The following BNIP3 variants were observed in gnomAD, a reference collection of about 807,000 sequenced individuals.
BNIP3 encodes BCL2/adenovirus E1B 19 kDa protein-interacting protein 3.
A neutral mutation model predicts 23.9 loss-of-function variants in BNIP3; 16 were observed. The observed-to-expected ratio is 0.67, with a 90% CI of 0.45 to 1.01. The LOEUF (loss-of-function observed/expected upper bound fraction) is 1.01. Among genes scored for constraint, BNIP3 ranks in the 50% least tolerant of loss-of-function variants. The probability of loss-of-function intolerance (pLI) is 0.00; values close to 1 mark genes in which losing one functional copy is unlikely to be tolerated. For missense variants in BNIP3, 198 were observed against 248.7 expected (o/e 0.80, Z 1.37); for synonymous variants, 81 against 89.3 (o/e 0.91, Z 0.53).
intron 1 of BNIP3, among the ~76,000 whole-genome samples, chr10:131,974,787 G>T: frequency 6.6e-6 from 1 of 152,144 alleles, no homozygotes; most frequent in East Asian, 1.9e-4. Context: ...TTTTTGAACT[G>T]GTTCTTCGAA....
intron 1 of BNIP3, among the ~76,000 whole-genome samples, chr10:131,974,738 GA>G (rs1389497919): frequency 6.6e-6 from 1 of 152,208 alleles, no homozygotes; most frequent in African/African-American, 2.4e-5. Context: ...CGAGGTTGAA[GA>G]CGGTTTTACA....
At chr10:131,973,762 G>GT in intron 2 of BNIP3, 31 bp downstream of exon 2, 1 of 1,609,996 alleles carries the variant, frequency 6.2e-7, no homozygotes, top group Non-Finnish European at 8.5e-7. Context: ...CATCGGCACT[G>GT]TAACACATAC....
In BNIP3 at chr10:131,971,679, TACTC is replaced by T. The variant is rs2037035184; in HGVS notation, c.283-713_283-710del. 4 of 152,010 alleles carry T rather than the reference TACTC, an allele frequency of 2.6e-5. No individual in the cohort carries two copies. The South Asian group carries it at 6.2e-4, about 24-fold the overall frequency. The allele number at this position is 152,010 out of a possible 1,614,324, so 9.4% of individuals were successfully genotyped here. On this transcript the variant is annotated intron_variant, in intron 3 of 5. Coordinates refer to ENST00000368636, the MANE Select transcript of BNIP3 (RefSeq NM_004052.4). ...AAAAAAAAAGAAATAAAATTGAAAA[TACTC>T]AAGAATATAGCTCCCCAAACCCACC...
At chr10:131,979,736 A>G (rs2037104651) in intron 1 of BNIP3, among the ~76,000 whole-genome samples, 2 of 152,264 alleles carry the variant, frequency 1.3e-5, no homozygotes, top group African/African-American at 4.8e-5. Context: ...AGAATGATCA[A>G]GAGATAGAAA....
Position 131,973,815 on chromosome 10 carries a change from A to G in BNIP3, c.175T>C (p.Ser59Pro). 6.2e-7 allele frequency: 1 copy of G among 1,612,396 alleles called. No homozygotes were observed. Among genetic ancestry groups the G allele is most frequent in the Non-Finnish European group, 8.5e-7 (1 of 1,180,014 alleles). ...TACCTGTCACAGTGAGAGCTCTTGG[A>G]GCTACTCCGTCCAGACTCATGCTGT... is the stretch of plus-strand genomic sequence containing the variant. ...DAQHESGRSS[S>P]KSSHCDSPPR... Residue 59 changes from serine (S) to proline (P), a missense_variant, in exon 2 of 6, where the codon TCC becomes CCC. By Grantham distance (74) the Ser-to-Pro change is moderately conservative. Coordinates refer to ENST00000368636, the MANE Select transcript of BNIP3 (RefSeq NM_004052.4).
intron 2 of BNIP3, 195 bp from the exon 3 acceptor site, chr10:131,973,313 T>C (rs2037055435): frequency 1.8e-6 from 1 of 567,632 alleles, no homozygotes; most frequent in Non-Finnish European, 3.1e-6. Context: ...ACGACAGGAG[T>C]GAGCTAGCCA....
chr10:131,979,458 T>C (rs1380239950), intron 1 of BNIP3, among the ~76,000 whole-genome samples: 1 of 152,126 alleles, frequency 6.6e-6, no homozygotes, highest in Non-Finnish European at 1.5e-5. Flanking sequence ...TAAATGGGCA[T>C]GCACTTTACT....
intron 1 of BNIP3, among the ~76,000 whole-genome samples, chr10:131,978,014 T>C (rs542898823): frequency 1.3e-5 from 2 of 152,166 alleles, no homozygotes; most frequent in African/African-American, 2.4e-5. Context: ...TACAGTAAGG[T>C]TGCTTAATAA....
rs1054905306 is a variant in BNIP3 at position 131,981,786 on chromosome 10, G to T, written c.21C>A (p.Pro7=). 1.3e-6 allele frequency: 2 copies of T among 1,482,824 alleles called. No homozygotes were observed. Among genetic ancestry groups the T allele is most frequent in the African/African-American group, 2.9e-5 (2 of 68,920 alleles). 91.9% of individuals were successfully genotyped at this position (1,482,824 alleles called of 1,614,324 possible). A position where few individuals can be genotyped will look rare whatever the true frequency, so the allele number is the denominator to read the frequency against. MSQNGA[P]GMQEESLQGS... ...CCTGCAGGCTCTCCTCCTGCATCCC[G>T]GGCGCTCCGTTCTGCGACATGGCGC... The change falls in exon 1 of 6, where the codon CCC becomes CCA. Residue 7 remains proline (P), a synonymous_variant. Transcript: ENST00000368636.
In BNIP3 at chr10:131,970,341, C is replaced by T. The variant is rs2037016991; in HGVS notation, c.539+297G>A. On this transcript the variant is annotated intron_variant, in intron 5 of 5. Transcript: ENST00000368636. The surrounding 1 kb of genome is among the most constrained non-coding windows in gnomAD (Gnocchi z 4.1). ...AGAAATGAGACTGCTTTCACCTACA[C>T]ACAGGACAAAGAGGTCAGACCTAAG... 1 of 451,908 alleles carries T rather than the reference C, an allele frequency of 2.2e-6. No individual in the cohort carries two copies. The highest frequency in any genetic ancestry group is 4.0e-6 in the Non-Finnish European group (1 of 250,404). The allele number at this position is 451,908 out of a possible 1,614,324, so 28.0% of individuals were successfully genotyped here.
Position 131,970,695 on chromosome 10 carries a change from A to G in BNIP3, c.482T>C (p.Phe161Ser). ...CAGAGATGGAAGGAAAACTTTCAGA[A>G]ATTCTGCAGAGAATATGCCCCCTTT... The part of the protein sequence containing the change: ...MKKGGIFSAE[F>S]LKVFLPSLLL... Residue 161 changes from phenylalanine to serine, a missense_variant, in exon 5 of 6, where the codon TTT (phenylalanine) becomes TCT (serine). Transcript: ENST00000368636. The surrounding 1 kb of genome is among the most constrained non-coding windows in gnomAD (Gnocchi z 4.1). 2 of 1,614,214 alleles carry G rather than the reference A, an allele frequency of 1.2e-6. No homozygotes were observed. The highest frequency in any genetic ancestry group is 1.7e-6 in the Non-Finnish European group (2 of 1,180,032).
At chr10:131,974,092 C>G (rs1472245801) in intron 1 of BNIP3, 149 bp from the exon 2 acceptor site, 1 of 1,018,982 alleles carries the variant, frequency 9.8e-7, no homozygotes, top group African/African-American at 1.6e-5. Flanking sequence ...TTGAAGACAT[C>G]CCTCTGCCCA....
chr10:131,980,693 AAAATT>A (rs1438885709), intron 1 of BNIP3: 5 of 151,792 alleles, frequency 3.3e-5, no homozygotes, highest in African/African-American at 1.2e-4. Context: ...TTTTTGTAAT[AAAATT>A]AGCAACTCAC....
intron 1 of BNIP3, among the ~76,000 whole-genome samples, chr10:131,979,721 T>C (rs567679754): frequency 6.6e-6 from 1 of 152,300 alleles, no homozygotes; most frequent in East Asian, 1.9e-4. Flanking sequence ...TCAACAACTT[T>C]AGCTAGAATG....
intron 2 of BNIP3, 77 bp downstream of exon 2, chr10:131,973,716 C>G: frequency 6.4e-7 from 1 of 1,572,306 alleles, no homozygotes; most frequent in South Asian, 1.2e-5. Flanking sequence ...AGAGGTGACA[C>G]GGGCACTTCC....
rs1402339468 is a variant in BNIP3, at chr10:131,967,758, T to C, written c.*766A>G. ...AAAGTAGACACAGATTTGCTTAGAA[T>C]AAAGCTGATTTTAAAAGCACACAAA... On this transcript the variant is annotated 3_prime_UTR_variant, in exon 6 of 6. Coordinates refer to ENST00000368636, the MANE Select transcript of BNIP3 (RefSeq NM_004052.4). 3 of 152,562 alleles carry C rather than the reference T, an allele frequency of 2.0e-5. No homozygotes were observed. The highest frequency in any genetic ancestry group is 4.4e-5 in the Non-Finnish European group (3 of 68,034). The allele number at this position is 152,562 out of a possible 1,614,324, so 9.5% of individuals were successfully genotyped here.
chr10:131,979,264 T>C (rs554173857), intron 1 of BNIP3, among the ~76,000 whole-genome samples: 14 of 152,346 alleles, frequency 9.2e-5, no homozygotes, highest in African/African-American at 3.1e-4. Context: ...CTGCAACCCC[T>C]TCAGGTCTCA....
At chr10:131,979,976 G>A (rs1050512187) in intron 1 of BNIP3, among the ~76,000 whole-genome samples, 1 of 152,228 alleles carries the variant, frequency 6.6e-6, no homozygotes, top group African/African-American at 2.4e-5. Context: ...GAGCCCGCGG[G>A]ACCGGCCAAC....
chr10:131,980,043 C>T (rs758245889), intron 1 of BNIP3, among the ~76,000 whole-genome samples: 6 of 152,262 alleles, frequency 3.9e-5, no homozygotes, highest in Non-Finnish European at 8.8e-5. Context: ...CTCAGGGCGG[C>T]CCAAGGAATC....
Sources: gnomAD v4.1 joint callset for allele counts (sites outside exome capture counted in the v4.1 genomes callset) on GRCh38, gnomAD v4.1.1 for gene constraint, Gnocchi (gnomAD v3.1) non-coding constraint, MANE v1.5 for transcripts, NCBI Gene and HGNC (gene_info 2026-07-23, HGNC 2026-07-21) for gene names.